The following SEPTIN8 variants were observed in gnomAD, a reference collection of about 807,000 sequenced individuals.
SEPTIN8 encodes septin-8.
SEPTIN8 carries 22 observed loss-of-function variants against 53.1 expected under a neutral mutation model. That is an observed-to-expected ratio of 0.41 (90% CI 0.30 to 0.59). SEPTIN8 has a LOEUF of 0.59. Among genes scored for constraint, SEPTIN8 ranks in the 20% least tolerant of loss-of-function variants. The pLI, the probability that SEPTIN8 is intolerant of heterozygous loss-of-function variation, is 0.24. For missense variants in SEPTIN8, 536 were observed against 638.7 expected, an observed-to-expected ratio of 0.84 and a Z score of 1.73; for synonymous variants, 228 against 248.4, an observed-to-expected ratio of 0.92 and a Z score of 0.77.
chr5:132,777,175 G>T lies in SEPTIN8; in HGVS notation c.-38C>A. 8.6e-7 allele frequency: 1 copy of T among 1,165,242 alleles called. No homozygotes were observed. The highest frequency in any genetic ancestry group is 1.1e-6 in the Non-Finnish European group (1 of 944,436). The allele number at this position is 1,165,242 out of a possible 1,614,324, so 72.2% of individuals were successfully genotyped here. Reference sequence around the variant, plus strand: ...ACCGGGCGGGTGGGCTGGGACGAGCGCAGGGGCAGCGACAGGGACCAGCCG... The same window carrying T: ...ACCGGGCGGGTGGGCTGGGACGAGCTCAGGGGCAGCGACAGGGACCAGCCG... On this transcript the variant is annotated 5_prime_UTR_variant, in exon 1 of 10. Transcript: ENST00000378719. The surrounding 1 kb of genome is among the most constrained non-coding windows in gnomAD (Gnocchi z 4.1).
At position 132,776,643 on chromosome 5, in the gene SEPTIN8, C is replaced by A. The variant is rs968454475; in HGVS notation, c.30+465G>T. 5.9e-5 allele frequency among the ~76,000 whole-genome samples: 9 copies of A among 152,160 alleles called. No individual in the cohort carries two copies. The highest frequency in any genetic ancestry group is 1.7e-4 in the African/African-American group (7 of 41,456). On this transcript the variant is annotated intron_variant, in intron 1 of 9. Transcript: ENST00000378719. The surrounding 1 kb of genome is among the most constrained non-coding windows in gnomAD (Gnocchi z 4.4). ...CTCAAGTCTGCAACTGTCCTGGGCT[C>A]GTGTGGGAGACTCTCTCGGATCCTG...
chr5:132,760,785 C>T lies in SEPTIN8; in HGVS notation c.1286+17G>A, dbSNP rs117597927. The T allele has an allele frequency of 3.2e-3, 5,220 of 1,610,138 alleles. 207 individuals are homozygous for T. In the East Asian group the frequency reaches 0.086, roughly 26 times the overall value. On this transcript the variant is annotated intron_variant, in intron 9 of 9. Transcript: ENST00000378719. The surrounding 1 kb of genome is among the most constrained non-coding windows in gnomAD (Gnocchi z 5.2). ...CAGGAGCAAGAGGAGCCAGCGCAGG[C>T]GCAGCCTGCCACCTACTTCTTCTTG...
At position 132,761,723 on chromosome 5, in the gene SEPTIN8, C is replaced by G; in HGVS notation, c.793+77G>C. The G allele has an allele frequency of 6.3e-7, 1 of 1,585,934 alleles. No homozygotes were observed. The highest frequency in any genetic ancestry group is 8.6e-7 in the Non-Finnish European group (1 of 1,162,814). On this transcript the variant is annotated intron_variant, in intron 6 of 9. Transcript: ENST00000378719. This position sits in a 1 kb window ranked among gnomAD's most constrained non-coding sequence, Gnocchi z 5.8. ...GCAGGTGGGCATGAGGAGGAAACAGCACAGGGTACTACAGGCAGCAGGGCA... is the reference window on the plus strand; with the variant it reads ...GCAGGTGGGCATGAGGAGGAAACAGGACAGGGTACTACAGGCAGCAGGGCA...
At chr5:132,767,528 A>G (rs1475880808) in intron 1 of SEPTIN8, among the ~76,000 whole-genome samples, 1 of 152,002 alleles carries the variant, frequency 6.6e-6, no homozygotes, top group Non-Finnish European at 1.5e-5. Context: ...TTCTCCACCT[A>G]TTCTATAAGC....
chr5:132,770,020 T>TATATATATATATAC (rs1561767817), intron 1 of SEPTIN8, among the ~76,000 whole-genome samples: 2 of 34,340 alleles, frequency 5.8e-5, no homozygotes, highest in African/African-American at 2.4e-4. Flanking sequence ...TATATATATA[T>TATATATATATATAC]ATACACACAC....
intron 9 of SEPTIN8, chr5:132,753,102 G>A: frequency 2.8e-6 from 2 of 713,220 alleles, no homozygotes; most frequent in Admixed American, 5.3e-5. Context: ...CTGAGAAAAA[G>A]TTCCCAACTG....
chr5:132,770,406 CT>C (rs1757207354), intron 1 of SEPTIN8, among the ~76,000 whole-genome samples: 1 of 151,954 alleles, frequency 6.6e-6, no homozygotes, highest in Non-Finnish European at 1.5e-5. Flanking sequence ...TCTTGAACTC[CT>C]GACCTCAGGT....
chr5:132,761,373 T>A lies in SEPTIN8; in HGVS notation c.962+85A>T. ...CATGTGGGCACGAGGGGTAAGAGGA[T>A]GTGGGGTCCCTCAGGGAACAGATGC... On this transcript the variant is annotated intron_variant, in intron 7 of 9. Coordinates refer to ENST00000378719, the MANE Select transcript of SEPTIN8 (RefSeq NM_001098811.2). This position sits in a 1 kb window ranked among gnomAD's most constrained non-coding sequence, Gnocchi z 5.8. The A allele has an allele frequency of 6.3e-7, 1 of 1,587,122 alleles. No individual in the cohort carries two copies. Among genetic ancestry groups the A allele is most frequent in the Non-Finnish European group, 8.6e-7 (1 of 1,169,014 alleles).
chr5:132,770,176 T>G (rs1757177956), intron 1 of SEPTIN8, among the ~76,000 whole-genome samples: 1 of 136,700 alleles, frequency 7.3e-6, no homozygotes, highest in Non-Finnish European at 1.5e-5. Flanking sequence ...TGTATATATG[T>G]ATATATATGT....
In SEPTIN8 at chr5:132,761,231, A is replaced by G; in HGVS notation, c.997T>C (p.Phe333Leu). ...TCCTTCCTCTGCAGCTCACTTAGGA[A>G]CTCCTTCCTCTTGGCCTCGTATGTC... ...QETYEAKRKEFLSELQRKEEE... is the reference protein window; with the variant it reads ...QETYEAKRKELLSELQRKEEE... The change falls in exon 8 of 10, where the codon TTC becomes CTC. Residue 333 changes from phenylalanine (F) to leucine (L), a missense_variant. Around this residue, in one of 3 missense-constraint regions of SEPTIN8, gnomAD observed 395 missense variants for 451.8 expected, o/e 0.87. Coordinates refer to ENST00000378719, the MANE Select transcript of SEPTIN8 (RefSeq NM_001098811.2). The surrounding 1 kb of genome is among the most constrained non-coding windows in gnomAD (Gnocchi z 5.8). The G allele has an allele frequency of 6.2e-7, 1 of 1,613,638 alleles. No homozygotes were observed. The highest frequency in any genetic ancestry group is 1.3e-5 in the African/African-American group (1 of 74,854).
chr5:132,765,577 G>C (rs752564043), intron 1 of SEPTIN8, 48 bp from the exon 2 acceptor site: 2 of 1,532,400 alleles, frequency 1.3e-6, no homozygotes, highest in Non-Finnish European at 1.7e-6. Flanking sequence ...GGGGAAGAAA[G>C]GTCAAGCTGC....
chr5:132,770,026 CACACAT>C (rs1561767919), intron 1 of SEPTIN8, among the ~76,000 whole-genome samples: 5 of 55,300 alleles, frequency 9.0e-5, no homozygotes, highest in Non-Finnish European at 1.7e-4. Flanking sequence ...TATATATACA[CACACAT>C]ATATATATAT....
intron 9 of SEPTIN8, chr5:132,758,468 A>T (rs772852321): frequency 6.2e-7 from 1 of 1,606,252 alleles, no homozygotes; most frequent in Admixed American, 1.7e-5. Context: ...AATTAGGCCT[A>T]GCATCCCGGC....
At position 132,763,878 on chromosome 5, in the gene SEPTIN8, A is replaced by G. The variant is rs1369332891; in HGVS notation, c.362T>C (p.Val121Ala). ...TTCAAACTGCGCATCGATGTAGTCA[A>G]CTATGGGCCTGTAACTACAGACAGC... The part of the protein sequence containing the change: ...INKDESYRPI[V>A]DYIDAQFENY... The change falls in exon 4 of 10, where the codon GTT becomes GCT. Residue 121 changes from valine to alanine, a missense_variant. By Grantham distance (64) the Val-to-Ala change is moderately conservative. Around this residue, in one of 3 missense-constraint regions of SEPTIN8, gnomAD observed 395 missense variants for 451.8 expected, o/e 0.87. Coordinates refer to ENST00000378719, the MANE Select transcript of SEPTIN8 (RefSeq NM_001098811.2). 6.3e-6 allele frequency: 10 copies of G among 1,576,390 alleles called. No homozygotes were observed. The highest frequency in any genetic ancestry group is 8.6e-6 in the Non-Finnish European group (10 of 1,159,742).
chr5:132,766,848 C>A (rs1756654007), intron 1 of SEPTIN8, among the ~76,000 whole-genome samples: 1 of 152,140 alleles, frequency 6.6e-6, no homozygotes, highest in South Asian at 2.1e-4. Flanking sequence ...TGTGCCACAG[C>A]CCACTGCCTT....
In SEPTIN8 at chr5:132,761,406, G is replaced by A; in HGVS notation, c.962+52C>T. 6.3e-7 allele frequency: 1 copy of A among 1,587,786 alleles called. No individual in the cohort carries two copies. Among genetic ancestry groups the A allele is most frequent in the Non-Finnish European group, 8.6e-7 (1 of 1,168,236 alleles). On this transcript the variant is annotated intron_variant, in intron 7 of 9. Transcript: ENST00000378719. The surrounding 1 kb of genome is among the most constrained non-coding windows in gnomAD (Gnocchi z 5.8). The stretch of plus-strand genomic sequence containing the variant: ...CCCTCAGGGAACAGATGCCAGGGTG[G>A]TGTGTCTGGCCACAGCTGTGAAGAC...
intron 9 of SEPTIN8, chr5:132,758,506 C>T (rs1561741447): frequency 1.2e-6 from 2 of 1,613,148 alleles, no homozygotes; most frequent in Non-Finnish European, 8.5e-7. Context: ...CGGCACATAA[C>T]AGCTCCGTCA....
intron 9 of SEPTIN8, chr5:132,753,982 G>GTTTTTTTTT (rs1554111068): frequency 1.1e-5 from 1 of 94,098 alleles, no homozygotes; most frequent in African/African-American, 8.7e-5. Context: ...TTTTTTTTTG[G>GTTTTTTTTT]TGTGTTTGTG....
chr5:132,777,031 G>GC lies in SEPTIN8; in HGVS notation c.30+76dup. 6.3e-6 allele frequency: 6 copies of GC among 948,196 alleles called. No homozygotes were observed. Among genetic ancestry groups the GC allele is most frequent in the South Asian group, 1.0e-4 (2 of 19,572 alleles). 58.7% of individuals were successfully genotyped at this position (948,196 alleles called of 1,614,324 possible). On this transcript the variant is annotated intron_variant, in intron 1 of 9. Coordinates refer to ENST00000378719, the MANE Select transcript of SEPTIN8 (RefSeq NM_001098811.2). This position sits in a 1 kb window ranked among gnomAD's most constrained non-coding sequence, Gnocchi z 4.1. The stretch of plus-strand genomic sequence containing the variant: ...GTGAGGCGCTGACAGCCCGCTTCGC[G>GC]CCCCCCGCCAGCTGCAGGGCGGCCC...
Sources: allele counts gnomAD v4.1 joint callset (sites outside exome capture counted in the v4.1 genomes callset), GRCh38; gene constraint gnomAD v4.1.1; regional missense constraint gnomAD v4.1.1; non-coding constraint Gnocchi (gnomAD v3.1); transcripts MANE v1.5; gene names NCBI Gene and HGNC (gene_info 2026-07-23, HGNC 2026-07-21).